The following CLDN16 variants were observed in gnomAD, a reference collection of about 807,000 sequenced individuals.
CLDN16 encodes claudin-16.
A neutral mutation model predicts 24.6 loss-of-function variants in CLDN16; 13 were observed. That is an observed-to-expected ratio of 0.53 (90% confidence interval 0.34 to 0.84). CLDN16 has a LOEUF of 0.84. Among genes scored for constraint, CLDN16 ranks in the 40% least tolerant of loss-of-function variants. The pLI is 0.01. For missense variants in CLDN16, 298 were observed against 292.7 expected (o/e 1.02, Z -0.13); for synonymous variants, 116 against 106.7 (o/e 1.09, Z -0.54).
chr3:190,310,747 T>G, the CLDN16 span, among the ~76,000 whole-genome samples: 5 of 152,126 alleles, frequency 3.3e-5, no homozygotes, highest in Non-Finnish European at 5.9e-5. Flanking sequence ...TGTCTCAGAA[T>G]GGACCAGAAT....
chr3:190,307,987 T>C, the CLDN16 span: 1 of 338,918 alleles, frequency 3.0e-6, no homozygotes, highest in South Asian at 2.9e-5. Context: ...TACATATCTA[T>C]ATATATTTAA....
At chr3:190,372,205 G>A (rs1221538670) in intron 2 of CLDN16, among the ~76,000 whole-genome samples, 1 of 151,898 alleles carries the variant, frequency 6.6e-6, no homozygotes, top group African/African-American at 2.4e-5. Context: ...GACTTGGAAA[G>A]CTTTGCAAAC....
intron 1 of CLDN16, among the ~76,000 whole-genome samples, chr3:190,391,039 G>A (rs562684328): frequency 1.4e-4 from 22 of 152,044 alleles, no homozygotes; most frequent in African/African-American, 3.6e-4. Context: ...CTCTTGCCTC[G>A]GCCTCCTAAA....
At chr3:190,308,107 AT>A in the CLDN16 span, 1 of 742,548 alleles carries the variant, frequency 1.3e-6, no homozygotes, top group Non-Finnish European at 2.3e-6. Flanking sequence ...AGATTAAGCC[AT>A]GTTTAGCACT....
intron 1 of CLDN16, among the ~76,000 whole-genome samples, chr3:190,392,264 C>T: frequency 6.6e-6 from 1 of 151,346 alleles, no homozygotes; most frequent in East Asian, 1.9e-4. Flanking sequence ...TTCCTTGTTC[C>T]TTCCTTCCTC....
At chr3:190,388,573 TA>T in intron 1 of CLDN16, 130 bp downstream of exon 1, 1 of 797,564 alleles carries the variant, frequency 1.3e-6, no homozygotes, top group Non-Finnish European at 2.2e-6. Context: ...ATGGACTATT[TA>T]TTGAGTCTTT....
chr3:190,343,370 T>G (rs762574228), intron 1 of CLDN16, among the ~76,000 whole-genome samples: 1 of 152,048 alleles, frequency 6.6e-6, no homozygotes, highest in African/African-American at 2.4e-5. Flanking sequence ...TGTAGATTGG[T>G]ACAGCCATAA....
chr3:190,388,351 A>G lies in CLDN16; in HGVS notation c.22A>G (p.Ile8Val), dbSNP rs145118503. Residue 8 changes from isoleucine to valine, a missense_variant, in exon 1 of 5, where the codon ATC (isoleucine) becomes GTC (valine). Physicochemically the swap from Ile to Val is conservative, Grantham distance 29. Coordinates refer to ENST00000264734, the MANE Select transcript of CLDN16 (RefSeq NM_006580.4). MRDLLQYIACFFAFFSAG... is the reference protein window; with the variant it reads MRDLLQYVACFFAFFSAG... ...CACAATGAGGGATCTTCTTCAATACATCGCTTGCTTCTTTGCCTTTTTCTC... is the reference window on the plus strand; with the variant it reads ...CACAATGAGGGATCTTCTTCAATACGTCGCTTGCTTCTTTGCCTTTTTCTC... 5.2e-5 allele frequency: 84 copies of G among 1,613,930 alleles called. No homozygotes were observed. The highest frequency in any genetic ancestry group is 7.0e-5 in the Non-Finnish European group (83 of 1,179,982).
Position 190,408,040 on chromosome 3 carries a change from A to G in CLDN16, c.383-274A>G, listed in dbSNP as rs975016599. Among the ~76,000 whole-genome samples, 6 of 152,342 alleles carry G rather than the reference A, an allele frequency of 3.9e-5. No individual in the cohort carries two copies. In the East Asian group the frequency reaches 1.2e-3, roughly 29 times the overall value. ...AGACAGGAGAATCAAAGAAAACCAT[A>G]ACGATGAATTTCGATTTACACAGAT... On this transcript the variant is annotated intron_variant, in intron 3 of 4. Coordinates refer to ENST00000264734, the MANE Select transcript of CLDN16 (RefSeq NM_006580.4).
the CLDN16 span, among the ~76,000 whole-genome samples, chr3:190,299,556 T>G: frequency 2.6e-5 from 4 of 152,134 alleles, no homozygotes; most frequent in African/African-American, 9.7e-5. Context: ...CTGAATTTTT[T>G]TTATATTTAA....
intron 1 of CLDN16, among the ~76,000 whole-genome samples, chr3:190,340,146 T>G (rs1238989904): frequency 6.6e-6 from 1 of 152,206 alleles, no homozygotes; most frequent in Non-Finnish European, 1.5e-5. Flanking sequence ...ACACTTTAGG[T>G]ATAGAAGGAA....
At chr3:190,371,151 ATTAG>A (rs1718134404) in intron 2 of CLDN16, 1 of 149,468 alleles carries the variant, frequency 6.7e-6, no homozygotes, top group African/African-American at 2.4e-5. Context: ...GGACTATCCT[ATTAG>A]TTCTGTTCCT....
intron 1 of CLDN16, among the ~76,000 whole-genome samples, chr3:190,366,105 A>C (rs1718016743): frequency 6.6e-6 from 1 of 151,866 alleles, no homozygotes; most frequent in African/African-American, 2.4e-5. Context: ...TGGAGCTCTT[A>C]AGTCCTGGGC....
At chr3:190,330,148 T>C (rs1418284637) in intron 1 of CLDN16, among the ~76,000 whole-genome samples, 1 of 152,150 alleles carries the variant, frequency 6.6e-6, no homozygotes, top group Non-Finnish European at 1.5e-5. Flanking sequence ...TAGTACCTAA[T>C]ATTCTGAGTT....
At chr3:190,383,003 G>A (rs1033128613) in intron 3 of CLDN16, among the ~76,000 whole-genome samples, 1 of 151,996 alleles carries the variant, frequency 6.6e-6, no homozygotes, top group African/African-American at 2.4e-5. Context: ...TAGTGTAATA[G>A]GATTTTAAAT....
chr3:190,376,928 A>T (rs1718260555), intron 3 of CLDN16, among the ~76,000 whole-genome samples: 18 of 151,912 alleles, frequency 1.2e-4, no homozygotes, highest in Admixed American at 1.2e-3. Context: ...TTCCCAGGTG[A>T]CTCTGGTGAT....
the CLDN16 span, among the ~76,000 whole-genome samples, chr3:190,293,094 G>A: frequency 6.6e-6 from 1 of 152,146 alleles, no homozygotes; most frequent in Non-Finnish European, 1.5e-5. Flanking sequence ...ATGTTTATTG[G>A]ACTCACAGTT....
chr3:190,409,958 G>C lies in CLDN16; in HGVS notation c.630G>C (p.Ala210=). 2.5e-6 allele frequency: 4 copies of C among 1,613,972 alleles called. No individual in the cohort carries two copies. The highest frequency in any genetic ancestry group is 3.4e-6 in the Non-Finnish European group (4 of 1,179,942). The change falls in exon 5 of 5, where the codon GCG becomes GCC. Residue 210 remains alanine (A), a synonymous_variant. Transcript: ENST00000264734. ...PYSLRKAYSA[A]GVSMAKSYSA... ...CCTTGAGGAAAGCCTATTCAGCCGC[G>C]GGTGTTTCCATGGCCAAGTCATACT...
At chr3:190,313,843 G>C in the CLDN16 span, among the ~76,000 whole-genome samples, 1 of 152,094 alleles carries the variant, frequency 6.6e-6, no homozygotes, top group Non-Finnish European at 1.5e-5. Context: ...CAAATAAACA[G>C]GGTCAAGTTT....
Sources: allele counts gnomAD v4.1 joint callset (sites outside exome capture counted in the v4.1 genomes callset), GRCh38; gene constraint gnomAD v4.1.1; transcripts MANE v1.5; gene names NCBI Gene and HGNC (gene_info 2026-07-23, HGNC 2026-07-21).